The following LRIG3 variants were observed in gnomAD, a reference collection of about 807,000 sequenced individuals.
The protein encoded by LRIG3 is leucine rich repeats and immunoglobulin like domains 3.
LRIG3 carries 76 observed loss-of-function variants against 114.5 expected under a neutral mutation model. That is an observed-to-expected ratio of 0.66 (90% CI 0.55 to 0.80). The LOEUF (loss-of-function observed/expected upper bound fraction) is 0.80, where lower values mean the gene tolerates loss of function less well. Ranked by LOEUF, LRIG3 falls within the 30% of genes least tolerant of loss-of-function variation. The pLI is 0.00. For missense variants in LRIG3, 1,239 were observed against 1,382.8 expected (o/e 0.90, Z 1.65); for synonymous variants, 512 against 519.8 (o/e 0.98, Z 0.20).
chr12:58,876,612 A>C lies in LRIG3; in HGVS notation c.2537-9T>G. On this transcript the variant is annotated splice_polypyrimidine_tract_variant and intron_variant, in intron 15 of 18. Coordinates refer to ENST00000320743, the MANE Select transcript of LRIG3 (RefSeq NM_153377.5). ...TGGCAAGTTGGTCTCATCTGTAATA[A>C]AACAGCAGCATTTTATTAACCAAGG... 6.2e-7 allele frequency: 1 copy of C among 1,613,994 alleles called. No homozygotes were observed. The highest frequency in any genetic ancestry group is 2.2e-5 in the East Asian group (1 of 44,878).
intron 13 of LRIG3, 38 bp from the exon 14 acceptor site, chr12:58,879,143 G>C: frequency 6.4e-7 from 1 of 1,560,738 alleles, no homozygotes; most frequent in Non-Finnish European, 8.7e-7. Context: ...TAGCACAGTG[G>C]AGTCTTACAG....
Position 58,920,236 on chromosome 12 carries a change from C to G in LRIG3, c.-1G>C. 1 of 1,379,376 alleles carries G rather than the reference C, an allele frequency of 7.2e-7. No individual in the cohort carries two copies. Among genetic ancestry groups the G allele is most frequent in the Non-Finnish European group, 9.3e-7 (1 of 1,076,870 alleles). 85.4% of individuals were successfully genotyped at this position (1,379,376 alleles called of 1,614,324 possible). On this transcript the variant is annotated 5_prime_UTR_variant, in exon 1 of 19. Coordinates refer to ENST00000320743, the MANE Select transcript of LRIG3 (RefSeq NM_153377.5). ...GCGCACGGAGGCTCGGCGCGCTCAT[C>G]GCGGTCCAGCGGCCTAGGTCTCTAC...
At chr12:58,885,635 A>G (rs1871251970) in intron 10 of LRIG3, among the ~76,000 whole-genome samples, 196 bp downstream of exon 10, 3 of 152,204 alleles carry the variant, frequency 2.0e-5, no homozygotes, top group Admixed American at 6.5e-5. Flanking sequence ...ATACACCTGT[A>G]TACTTCTATA....
Position 58,888,951 on chromosome 12 carries a change from C to T in LRIG3, c.671G>A (p.Arg224Gln), listed in dbSNP as rs752659488. Reference sequence around the variant, plus strand: ...TCCATCTACATTTTTAATCTTGTTTCGGTTCAATTCGCTGCATTGAGTATT... The same window carrying T: ...TCCATCTACATTTTTAATCTTGTTTTGGTTCAATTCGCTGCATTGAGTATT... ...LPQLQHLELN[R>Q]NKIKNVDGLT... The change falls in exon 6 of 19, where the codon CGA becomes CAA. Residue 224 changes from arginine to glutamine, a missense_variant. By Grantham distance (43) the Arg-to-Gln change is conservative. Coordinates refer to ENST00000320743, the MANE Select transcript of LRIG3 (RefSeq NM_153377.5). 18 of 1,612,818 alleles carry T rather than the reference C, an allele frequency of 1.1e-5. No individual in the cohort carries two copies. Among genetic ancestry groups the T allele is most frequent in the African/African-American group, 4.0e-5 (3 of 74,852 alleles).
intron 9 of LRIG3, among the ~76,000 whole-genome samples, chr12:58,886,271 A>T (rs1176164643): frequency 6.6e-6 from 1 of 152,074 alleles, no homozygotes; most frequent in Non-Finnish European, 1.5e-5. Flanking sequence ...CTCTGTGGAT[A>T]CCTTCCATCC....
Position 58,890,013 on chromosome 12 carries a change from C to A in LRIG3, c.642G>T (p.Leu214=). ...ISAIPPKMFK[L]PQLQHLELNR... is the part of the protein sequence containing the mutation. ...TTACTTACAGATGTTGCAGTTGGGG[C>A]AGTTTAAACATCTTGGGTGGGATAG... is the stretch of plus-strand genomic sequence containing the variant. The change falls in exon 5 of 19, where the codon CTG becomes CTT. Residue 214 remains leucine, a synonymous_variant. Coordinates refer to ENST00000320743, the MANE Select transcript of LRIG3 (RefSeq NM_153377.5). 1 of 1,613,404 alleles carries A rather than the reference C, an allele frequency of 6.2e-7. No individual in the cohort carries two copies. The highest frequency in any genetic ancestry group is 8.5e-7 in the Non-Finnish European group (1 of 1,179,642).
Position 58,880,754 on chromosome 12 carries a change from T to C in LRIG3, c.1628A>G (p.Asp543Gly), listed in dbSNP as rs757991739. The C allele has an allele frequency of 6.2e-7, 1 of 1,614,222 alleles. No individual in the cohort carries two copies. The highest frequency in any genetic ancestry group is 8.5e-7 in the Non-Finnish European group (1 of 1,180,042). Residue 543 changes from aspartate to glycine, a missense_variant, in exon 13 of 19, where the codon GAT becomes GGT. Coordinates refer to ENST00000320743, the MANE Select transcript of LRIG3 (RefSeq NM_153377.5). ...GTGTGCATAATTTTCCATTTCAGCA[T>C]CATGCAGTAGTTCATTGTCTTTTTT... is the stretch of plus-strand genomic sequence containing the variant. ...AWKKDNELLH[D>G]AEMENYAHLR...
intron 3 of LRIG3, among the ~76,000 whole-genome samples, chr12:58,910,762 T>A (rs1214772947): frequency 6.6e-6 from 1 of 152,232 alleles, no homozygotes; most frequent in Non-Finnish European, 1.5e-5. Context: ...AAGACCCAAC[T>A]AGCTCCGTTT....
intron 4 of LRIG3, 104 bp from the exon 5 acceptor site, chr12:58,890,243 T>C (rs61921896): frequency 0.012 from 14,858 of 1,208,176 alleles, 104 homozygotes; most frequent in Middle Eastern, 0.034. Flanking sequence ...TAACCATCAA[T>C]GGAAACTTAA....
chr12:58,911,109 G>A (rs1213606607), intron 3 of LRIG3, among the ~76,000 whole-genome samples: 1 of 152,192 alleles, frequency 6.6e-6, no homozygotes, highest in Admixed American at 6.5e-5. Context: ...CTAGTTCTGT[G>A]TGGGATTCAA....
intron 16 of LRIG3, 140 bp from the exon 17 acceptor site, chr12:58,874,713 G>A: frequency 2.8e-6 from 3 of 1,065,164 alleles, no homozygotes; most frequent in Non-Finnish European, 4.0e-6. Context: ...AAAATTTACA[G>A]TAGGGTTTTA....
In LRIG3 at chr12:58,878,588, C is replaced by T. The variant is rs553179245; in HGVS notation, c.2083+236G>A. 3.3e-5 allele frequency among the ~76,000 whole-genome samples: 5 copies of T among 152,186 alleles called. No individual in the cohort carries two copies. In the South Asian group the frequency reaches 1.0e-3, roughly 32 times the overall value. ...AAAGCATCCCAACTTTTCCTCGGCC[C>T]CTCTCTTCAGGATGGAGGGGGCAGG... is the stretch of plus-strand genomic sequence containing the variant. On this transcript the variant is annotated intron_variant, in intron 14 of 18. Transcript: ENST00000320743.
At chr12:58,918,110 CA>C (rs772581443) in intron 1 of LRIG3, among the ~76,000 whole-genome samples, 1 of 152,138 alleles carries the variant, frequency 6.6e-6, no homozygotes, top group Non-Finnish European at 1.5e-5. Context: ...CAGAGCTGTC[CA>C]ATAAGTGATC....
At chr12:58,885,361 A>G (rs979519587) in intron 10 of LRIG3, among the ~76,000 whole-genome samples, 2 of 152,186 alleles carry the variant, frequency 1.3e-5, no homozygotes, top group African/African-American at 4.8e-5. Context: ...TTAAAAGCCA[A>G]GTCATCTCCT....
intron 3 of LRIG3, among the ~76,000 whole-genome samples, chr12:58,899,889 A>T (rs1296041849): frequency 6.6e-6 from 1 of 152,186 alleles, no homozygotes; most frequent in Non-Finnish European, 1.5e-5. Flanking sequence ...AAATTCTCCA[A>T]TCTCCAGTCT....
chr12:58,887,945 A>G lies in LRIG3; in HGVS notation c.948-13T>C, dbSNP rs757137685. The G allele has an allele frequency of 1.2e-6, 2 of 1,605,728 alleles. No individual in the cohort carries two copies. Among genetic ancestry groups the G allele is most frequent in the South Asian group, 2.2e-5 (2 of 89,936 alleles). Reference sequence around the variant, plus strand: ...GAAAGTTAGGTCCCTGTAAAGAAAAAAGAGAAAAGCAATAGCTTTTATTTT... The same window carrying G: ...GAAAGTTAGGTCCCTGTAAAGAAAAGAGAGAAAAGCAATAGCTTTTATTTT... On this transcript the variant is annotated splice_polypyrimidine_tract_variant and intron_variant, in intron 7 of 18. Transcript: ENST00000320743.
In LRIG3 at chr12:58,873,652, C is replaced by T. The variant is rs141589517; in HGVS notation, c.3115+403G>A. 1.9e-3 allele frequency: 382 copies of T among 196,946 alleles called. 1 individual carries two copies. Among genetic ancestry groups the T allele is most frequent in the South Asian group, 9.0e-3 (90 of 10,028 alleles). The allele number at this position is 196,946 out of a possible 1,614,324, so 12.2% of individuals were successfully genotyped here. A position where few individuals can be genotyped will look rare whatever the true frequency, so the allele number is the denominator to read the frequency against. ...AGGTAGGATGTTGTTTTCCACCCTTCGACTGCGGGTTCAGTTGGAAGCCAC... is the reference window on the plus strand; with the variant it reads ...AGGTAGGATGTTGTTTTCCACCCTTTGACTGCGGGTTCAGTTGGAAGCCAC... On this transcript the variant is annotated intron_variant, in intron 18 of 18. Transcript: ENST00000320743.
At position 58,877,882 on chromosome 12, in the gene LRIG3, C is replaced by T. The variant is rs758402971; in HGVS notation, c.2084-30G>A. On this transcript the variant is annotated intron_variant, in intron 14 of 18. Transcript: ENST00000320743. ...AATAACAAGTTATGCTTTTAATTTCCCAAATAAAATTTAGTTTCCATATCA... is the reference window on the plus strand; with the variant it reads ...AATAACAAGTTATGCTTTTAATTTCTCAAATAAAATTTAGTTTCCATATCA... The T allele has an allele frequency of 3.2e-6, 5 of 1,564,098 alleles. No homozygotes were observed. The South Asian group carries it at 5.8e-5, about 18-fold the overall frequency.
intron 3 of LRIG3, among the ~76,000 whole-genome samples, chr12:58,910,304 G>A (rs1047303525): frequency 6.6e-6 from 1 of 152,192 alleles, no homozygotes; most frequent in African/African-American, 2.4e-5. Context: ...TAGGGATAGT[G>A]TCTGATAATC....
Sources: gnomAD v4.1 joint callset for allele counts (sites outside exome capture counted in the v4.1 genomes callset) on GRCh38, gnomAD v4.1.1 for gene constraint, MANE v1.5 for transcripts, NCBI Gene and HGNC (gene_info 2026-07-23, HGNC 2026-07-21) for gene names.